BACH2: variants seen among roughly 807,000 people sequenced by gnomAD.
The protein encoded by BACH2 is BACH transcriptional regulator 2, also known as transcription regulator protein BACH2.
Under a neutral mutation model 61.8 loss-of-function variants are expected in BACH2, and 5 were observed. The ratio of observed to expected loss-of-function variants is 0.08; its 90% CI spans 0.04 to 0.17. The LOEUF (loss-of-function observed/expected upper bound fraction) is 0.17, where lower values mean the gene tolerates loss of function less well. BACH2 is among the 10% of genes least tolerant of loss of function. BACH2 has a pLI of 1.00. For synonymous variants in BACH2, 446 were observed against 440.1 expected (o/e 1.01, Z -0.17); for missense variants, 824 against 1,091.1 (o/e 0.76, Z 3.45).
intron 3 of BACH2, among the ~76,000 whole-genome samples, chr6:90,241,102 T>A (rs1238680387): frequency 2.1e-5 from 3 of 140,832 alleles, no homozygotes; most frequent in African/African-American, 8.1e-5. Context: ...CCCACTGCAC[T>A]CCAGCCTGGG....
chr6:90,167,433 G>A (rs1169636888), intron 4 of BACH2, among the ~76,000 whole-genome samples: 1 of 151,962 alleles, frequency 6.6e-6, no homozygotes, highest in Admixed American at 6.6e-5. Flanking sequence ...TCAGCTCACT[G>A]CAACCTTTGC....
chr6:90,276,316 G>A (rs915333476), intron 1 of BACH2, among the ~76,000 whole-genome samples: 2 of 152,082 alleles, frequency 1.3e-5, no homozygotes, highest in East Asian at 3.9e-4. Context: ...ACATGCCTAG[G>A]GCCATCCTGA....
At position 89,950,957 on chromosome 6, in the gene BACH2, A is replaced by G. The variant is rs1370497527; in HGVS notation, c.1149T>C (p.Thr383=). ...AATTCCCTGTGAAAGGGGTGTAGTC[A>G]GTTTTAAGGTCACCCTGAGTGATCC... ...DKGITQGDLK[T]DYTPFTGNYG... is the part of the protein sequence containing the mutation. The change falls in exon 7 of 9, where the codon ACT becomes ACC. Residue 383 remains threonine (T), a synonymous_variant. Transcript: ENST00000257749. This position sits in a 1 kb window ranked among gnomAD's most constrained non-coding sequence, Gnocchi z 5.3. 2.5e-6 allele frequency: 4 copies of G among 1,569,622 alleles called. No individual in the cohort carries two copies. The Admixed American group carries it at 7.3e-5, about 29-fold the overall frequency.
rs9362719 is a variant in BACH2 at position 90,110,392 on chromosome 6, A to G, written c.-161-21283T>C. ...TGAATGGATTTTTCACCTGTGCATA[A>G]TTTTATAACATTACCCATTTGGTCA... On this transcript the variant is annotated intron_variant, in intron 4 of 8. Transcript: ENST00000257749. 1.6e-4 allele frequency among the ~76,000 whole-genome samples: 24 copies of G among 152,302 alleles called. No individual in the cohort carries two copies. The East Asian group carries it at 4.6e-3, about 29-fold the overall frequency.
At chr6:89,973,507 AC>A (rs1775483774) in intron 6 of BACH2, among the ~76,000 whole-genome samples, 1 of 152,150 alleles carries the variant, frequency 6.6e-6, no homozygotes, top group African/African-American at 2.4e-5. Context: ...TTCAAAGTGG[AC>A]TTTGTGATTC....
In BACH2 at chr6:89,967,423, G is replaced by A. The variant is rs144130040; in HGVS notation, c.244-15561C>T. ...TGAGTTAAAACACCTACAGCATCCCGGGTGTTCCAGTATTTGGATGGAATT... is the reference window on the plus strand; with the variant it reads ...TGAGTTAAAACACCTACAGCATCCCAGGTGTTCCAGTATTTGGATGGAATT... On this transcript the variant is annotated intron_variant, in intron 6 of 8. Coordinates refer to ENST00000257749, the MANE Select transcript of BACH2 (RefSeq NM_021813.4). Among the ~76,000 whole-genome samples the A allele has an allele frequency of 1.6e-4, 24 of 152,280 alleles. 1 individual carries two copies. In the East Asian group the frequency reaches 3.9e-3, roughly 24 times the overall value.
intron 7 of BACH2, among the ~76,000 whole-genome samples, chr6:89,947,861 G>A (rs551617303): frequency 1.4e-4 from 22 of 152,098 alleles, no homozygotes; most frequent in South Asian, 2.1e-4. Context: ...GTGAGCCACC[G>A]CGCCCAGCCA....
At chr6:90,093,391 T>G (rs1469492843) in intron 4 of BACH2, among the ~76,000 whole-genome samples, 1 of 152,158 alleles carries the variant, frequency 6.6e-6, no homozygotes, top group Non-Finnish European at 1.5e-5. Flanking sequence ...AGACACTAAC[T>G]TAGGCCTCTA....
chr6:90,129,062 TG>T (rs1426853604), intron 4 of BACH2, among the ~76,000 whole-genome samples: 1 of 151,086 alleles, frequency 6.6e-6, no homozygotes, highest in East Asian at 2.0e-4. Flanking sequence ...GGGCCTGTTG[TG>T]GGGTGGGGAT....
At chr6:90,014,440 G>GTGTGTGTGTGTGTGTA (rs1330299169) in intron 5 of BACH2, among the ~76,000 whole-genome samples, 1 of 48,036 alleles carries the variant, frequency 2.1e-5, no homozygotes. Context: ...GTGTGTGTGT[G>GTGTGTGTGTGTGTGTA]TATATATATA....
At chr6:90,112,593 C>A (rs1783220813) in intron 4 of BACH2, among the ~76,000 whole-genome samples, 1 of 152,170 alleles carries the variant, frequency 6.6e-6, no homozygotes, top group Non-Finnish European at 1.5e-5. Flanking sequence ...TACAAGAGAT[C>A]TTGAAAGGTG....
chr6:89,993,452 G>T (rs1472112245), intron 6 of BACH2, among the ~76,000 whole-genome samples: 1 of 152,140 alleles, frequency 6.6e-6, no homozygotes, highest in Non-Finnish European at 1.5e-5. Context: ...AAAGATAAAA[G>T]ATATTTCTGG....
At chr6:90,024,653 G>C (rs1778544287) in intron 5 of BACH2, among the ~76,000 whole-genome samples, 1 of 152,172 alleles carries the variant, frequency 6.6e-6, no homozygotes, top group Non-Finnish European at 1.5e-5. Context: ...TGTGGTTCCT[G>C]AGAAGACTTT....
At chr6:90,257,417 A>C (rs967141611) in intron 2 of BACH2, among the ~76,000 whole-genome samples, 2 of 152,086 alleles carry the variant, frequency 1.3e-5, no homozygotes, top group Admixed American at 6.6e-5. Context: ...CAGCCATCCT[A>C]ACAGTTGTGA....
At chr6:90,069,335 C>A (rs779726698) in intron 5 of BACH2, among the ~76,000 whole-genome samples, 1 of 152,170 alleles carries the variant, frequency 6.6e-6, no homozygotes, top group Admixed American at 6.5e-5. Flanking sequence ...CTCCCCTTCC[C>A]GTTGCTTTTT....
intron 4 of BACH2, among the ~76,000 whole-genome samples, chr6:90,112,617 A>C (rs1783222200): frequency 6.6e-6 from 1 of 152,144 alleles, no homozygotes; most frequent in South Asian, 2.1e-4. Flanking sequence ...AAAATATAGA[A>C]AGGAAAGACT....
At chr6:90,044,416 G>A (rs772526575) in intron 5 of BACH2, among the ~76,000 whole-genome samples, 1 of 152,230 alleles carries the variant, frequency 6.6e-6, no homozygotes, top group Non-Finnish European at 1.5e-5. Context: ...GAGGATAGTG[G>A]CCAGCGAAAG....
chr6:90,001,802 GA>G (rs1777146406), intron 6 of BACH2, among the ~76,000 whole-genome samples: 2 of 152,158 alleles, frequency 1.3e-5, no homozygotes, highest in South Asian at 4.2e-4. Context: ...GTGTGTCTAG[GA>G]AAGAGGAAAA....
At chr6:90,240,594 TAAGAG>T (rs1330345232) in intron 3 of BACH2, among the ~76,000 whole-genome samples, 2 of 152,120 alleles carry the variant, frequency 1.3e-5, no homozygotes, top group African/African-American at 2.4e-5. Context: ...ACAAAGCAAA[TAAGAG>T]GAGATGTACT....
Sources: allele counts gnomAD v4.1 joint callset (sites outside exome capture counted in the v4.1 genomes callset), GRCh38; gene constraint gnomAD v4.1.1; non-coding constraint Gnocchi (gnomAD v3.1); transcripts MANE v1.5; gene names NCBI Gene and HGNC (gene_info 2026-07-23, HGNC 2026-07-21).